KCNQ1: variants seen among roughly 807,000 people sequenced by gnomAD.
The protein encoded by KCNQ1 is potassium voltage-gated channel subfamily KQT member 1.
A neutral mutation model predicts 72.4 loss-of-function variants in KCNQ1; 49 were observed. The ratio of observed to expected loss-of-function variants is 0.68; its 90% CI spans 0.54 to 0.86. KCNQ1 has a LOEUF of 0.86. Among genes scored for constraint, KCNQ1 ranks in the 40% least tolerant of loss-of-function variants. KCNQ1 has a pLI of 0.00. For synonymous variants in KCNQ1, 450 were observed against 412.6 expected, an observed-to-expected ratio of 1.09 and a Z score of -1.10; for missense variants, 790 against 945.1, an observed-to-expected ratio of 0.84 and a Z score of 2.15.
chr11:2,635,976 T>A (rs1849457880), intron 10 of KCNQ1: 2 of 152,200 alleles, frequency 1.3e-5, no homozygotes, highest in South Asian at 4.1e-4. Context: ...ATGATTTGGC[T>A]CTCTGTTTGT....
chr11:2,476,196 T>C (rs1846566307), intron 1 of KCNQ1, among the ~76,000 whole-genome samples: 1 of 152,206 alleles, frequency 6.6e-6, no homozygotes. Flanking sequence ...TCACAAACAT[T>C]GATCATATAC....
At chr11:2,521,496 T>C (rs1267116986) in intron 1 of KCNQ1, 1 of 469,810 alleles carries the variant, frequency 2.1e-6, no homozygotes, top group South Asian at 1.6e-5. Flanking sequence ...AAATTAAGCA[T>C]ACGGTCACGA....
chr11:2,773,579 A>G (rs1333408631), intron 12 of KCNQ1, among the ~76,000 whole-genome samples: 1 of 147,966 alleles, frequency 6.8e-6, no homozygotes, highest in Non-Finnish European at 1.5e-5. Flanking sequence ...GGAAGGAGAA[A>G]CATCCCATCT....
At position 2,671,223 on chromosome 11, in the gene KCNQ1, A is replaced by G. The variant is rs2133868604; in HGVS notation, c.1514+9142A>G. ...AAAAGGTAGAGAGACAGAGGTAGAC[A>G]GGAGTCCAGGTCTGACCTCAAAATC... On this transcript the variant is annotated intron_variant, in intron 11 of 15. Coordinates refer to ENST00000155840, the MANE Select transcript of KCNQ1 (RefSeq NM_000218.3). The surrounding 1 kb of genome is among the most constrained non-coding windows in gnomAD (Gnocchi z 4.7). 2.5e-6 allele frequency: 1 copy of G among 398,680 alleles called. No homozygotes were observed. Among genetic ancestry groups the G allele is most frequent in the South Asian group, 1.3e-4 (1 of 7,862 alleles). 24.7% of individuals were successfully genotyped at this position (398,680 alleles called of 1,614,324 possible). A position where few individuals can be genotyped will look rare whatever the true frequency, so the allele number is the denominator to read the frequency against.
In KCNQ1 at chr11:2,799,715, C is replaced by A. The variant is rs368115130; in HGVS notation, c.1794+21678C>A. 1.8e-4 allele frequency among the ~76,000 whole-genome samples: 27 copies of A among 152,298 alleles called. No individual in the cohort carries two copies. In the South Asian group the frequency reaches 5.6e-3, roughly 32 times the overall value. On this transcript the variant is annotated intron_variant, in intron 15 of 15. Transcript: ENST00000155840. ...CCATCCTGTTACAGCAAATACCCTC[C>A]TCTGCATTTTTCCCTTGTGTTTGAT...
rs535965192 is a variant in KCNQ1 at position 2,599,716 on chromosome 11, A to G, written c.1393+10862A>G. Among the ~76,000 whole-genome samples, 7 of 152,156 alleles carry G rather than the reference A, an allele frequency of 4.6e-5. No homozygotes were observed. Among genetic ancestry groups the G allele is most frequent in the Admixed American group, 1.3e-4 (2 of 15,282 alleles). On this transcript the variant is annotated intron_variant, in intron 10 of 15. Coordinates refer to ENST00000155840, the MANE Select transcript of KCNQ1 (RefSeq NM_000218.3). This position sits in a 1 kb window ranked among gnomAD's most constrained non-coding sequence, Gnocchi z 4.7. The stretch of plus-strand genomic sequence containing the variant: ...CAGATGGCCGCCTTCTTCCTGTGTC[A>G]TCACATGACCATTGCTCTGGGCACT...
chr11:2,459,572 G>T (rs778708383), intron 1 of KCNQ1, among the ~76,000 whole-genome samples: 179 of 152,272 alleles, frequency 1.2e-3, no homozygotes, highest in Middle Eastern at 6.8e-3. Flanking sequence ...GCGACTGGCA[G>T]TACTGACTTC....
intron 1 of KCNQ1, among the ~76,000 whole-genome samples, chr11:2,480,353 C>G (rs1162898966): frequency 6.6e-6 from 1 of 152,216 alleles, no homozygotes; most frequent in Non-Finnish European, 1.5e-5. Context: ...AATTGACTCA[C>G]AGTTCCACAT....
intron 2 of KCNQ1, among the ~76,000 whole-genome samples, chr11:2,552,399 G>C (rs1847995959): frequency 6.6e-6 from 1 of 152,102 alleles, no homozygotes; most frequent in Non-Finnish European, 1.5e-5. Flanking sequence ...CGTGTGTGTG[G>C]GTTCGATTTC....
At chr11:2,838,215 C>G (rs535759718) in intron 15 of KCNQ1, among the ~76,000 whole-genome samples, 1 of 152,250 alleles carries the variant, frequency 6.6e-6, no homozygotes, top group Non-Finnish European at 1.5e-5. Flanking sequence ...ACTGACCTCA[C>G]GTGGCTCACA....
At chr11:2,518,435 C>T (rs1486671088) in intron 1 of KCNQ1, among the ~76,000 whole-genome samples, 1 of 152,170 alleles carries the variant, frequency 6.6e-6, no homozygotes. Flanking sequence ...GGCCTGGTGG[C>T]CCCGGCAGGG....
chr11:2,506,884 G>C (rs1050568669), intron 1 of KCNQ1, among the ~76,000 whole-genome samples: 2 of 152,192 alleles, frequency 1.3e-5, no homozygotes, highest in African/African-American at 4.8e-5. Context: ...TAAATCGTCT[G>C]TCTTCTCATT....
At position 2,603,984 on chromosome 11, in the gene KCNQ1, C is replaced by G. The variant is rs780629186; in HGVS notation, c.1393+15130C>G. ...GGGACCACAGGCGTGAGCCACTGCA[C>G]CCGGCCCTTGTGCTTCATTCTTTTA... On this transcript the variant is annotated intron_variant, in intron 10 of 15. Coordinates refer to ENST00000155840, the MANE Select transcript of KCNQ1 (RefSeq NM_000218.3). This position sits in a 1 kb window ranked among gnomAD's most constrained non-coding sequence, Gnocchi z 4.1. Among the ~76,000 whole-genome samples, 4 of 152,144 alleles carry G rather than the reference C, an allele frequency of 2.6e-5. No individual in the cohort carries two copies. Among genetic ancestry groups the G allele is most frequent in the Non-Finnish European group, 4.4e-5 (3 of 68,030 alleles).
chr11:2,688,539 C>A, intron 11 of KCNQ1: 1 of 398,734 alleles, frequency 2.5e-6, no homozygotes, highest in South Asian at 1.3e-4. Context: ...GCCAGTGGCC[C>A]TAGTGTCAAG....
intron 11 of KCNQ1, among the ~76,000 whole-genome samples, chr11:2,744,806 G>A (rs1050112059): frequency 7.9e-5 from 12 of 152,244 alleles, no homozygotes; most frequent in South Asian, 2.1e-4. Flanking sequence ...GCCTGTCGTC[G>A]TGTCCAGGTG....
chr11:2,730,883 G>A (rs954863855), intron 11 of KCNQ1, among the ~76,000 whole-genome samples: 1 of 152,204 alleles, frequency 6.6e-6, no homozygotes, highest in African/African-American at 2.4e-5. Context: ...CAGAAGCAGG[G>A]CTGGGCACCA....
At chr11:2,753,520 C>G (rs1358997995) in intron 11 of KCNQ1, among the ~76,000 whole-genome samples, 1 of 152,222 alleles carries the variant, frequency 6.6e-6, no homozygotes, top group African/African-American at 2.4e-5. Context: ...GAGCCTGCCT[C>G]TCTCCCGAGC....
In KCNQ1 at chr11:2,468,674, C is replaced by A. The variant is rs904964058; in HGVS notation, c.386+23190C>A. ...GGAATTTTATTTGGATGGACTCTGG[C>A]AGCCAACGCTGGTTTCGTCTGGCTT... On this transcript the variant is annotated intron_variant, in intron 1 of 15. Transcript: ENST00000155840. The surrounding 1 kb of genome is among the most constrained non-coding windows in gnomAD (Gnocchi z 5.7). 6.6e-6 allele frequency among the ~76,000 whole-genome samples: 1 copy of A among 152,328 alleles called. No individual in the cohort carries two copies. Among genetic ancestry groups the A allele is most frequent in the East Asian group, 1.9e-4 (1 of 5,186 alleles).
rs902682750 is a variant in KCNQ1 at position 2,715,798 on chromosome 11, C to T, written c.1515-53046C>T. Among the ~76,000 whole-genome samples the T allele has an allele frequency of 1.1e-4, 16 of 152,240 alleles. No individual in the cohort carries two copies. The highest frequency in any genetic ancestry group is 3.1e-4 in the African/African-American group (13 of 41,468). The stretch of plus-strand genomic sequence containing the variant: ...GAGGGTTGACCAGCTGGAGCAGCCC[C>T]GCATCCCACATCCCCGCAGCCTTGC... On this transcript the variant is annotated intron_variant, in intron 11 of 15. Coordinates refer to ENST00000155840, the MANE Select transcript of KCNQ1 (RefSeq NM_000218.3). The surrounding 1 kb of genome is among the most constrained non-coding windows in gnomAD (Gnocchi z 4.9).
Sources: gnomAD v4.1 joint callset for allele counts (sites outside exome capture counted in the v4.1 genomes callset) on GRCh38, gnomAD v4.1.1 for gene constraint, Gnocchi (gnomAD v3.1) non-coding constraint, MANE v1.5 for transcripts, NCBI Gene and HGNC (gene_info 2026-07-23, HGNC 2026-07-21) for gene names.